The following VWA2 variants were observed in gnomAD, a reference collection of about 807,000 sequenced individuals.
The protein encoded by VWA2 is von Willebrand factor A domain-containing protein 2.
A neutral mutation model predicts 70.4 loss-of-function variants in VWA2; 73 were observed. The observed-to-expected ratio is 1.04, with a 90% CI of 0.86 to 1.26. The LOEUF (loss-of-function observed/expected upper bound fraction) is 1.26, where lower values mean the gene tolerates loss of function less well. Among genes scored for constraint, VWA2 ranks in the 50% most tolerant of loss-of-function variants. The probability of loss-of-function intolerance (pLI) is 0.00; values close to 1 mark genes in which losing one functional copy is unlikely to be tolerated. For missense variants in VWA2, 1,011 were observed against 998.5 expected (o/e 1.01, Z -0.17); for synonymous variants, 407 against 423.3 (o/e 0.96, Z 0.47).
chr10:114,289,515 G>T, intron 12 of VWA2, 26 bp downstream of exon 12: 1 of 1,611,734 alleles, frequency 6.2e-7, no homozygotes, highest in South Asian at 1.1e-5. Flanking sequence ...CACACCCTCA[G>T]GGCTGCCCCC....
intron 1 of VWA2, chr10:114,246,796 C>A: frequency 1.8e-6 from 2 of 1,090,876 alleles, no homozygotes; most frequent in African/African-American, 1.5e-5. Flanking sequence ...ATTTATTTTA[C>A]CATTGACTGC....
At chr10:114,277,310 A>C (rs1213685650) in intron 6 of VWA2, among the ~76,000 whole-genome samples, 2 of 150,452 alleles carry the variant, frequency 1.3e-5, no homozygotes, top group African/African-American at 4.9e-5. Context: ...CAGCCTCCCA[A>C]GTAGCTGGAA....
At position 114,288,983 on chromosome 10, in the gene VWA2, C is replaced by T; in HGVS notation, c.1616C>T (p.Ser539Phe). The change falls in exon 12 of 14, where the codon TCT becomes TTT. Residue 539 changes from serine to phenylalanine, a missense_variant. Ser to Phe is a radical substitution (Grantham distance 155, BLOSUM62 -2). Transcript: ENST00000392982. ...GACCTCGTCTTCATGTTGGACACCT[C>T]TGCCTCAGTAGGGCCCGAGAATTTT... ...ALDLVFMLDT[S>F]ASVGPENFAQ... 1.2e-6 allele frequency: 2 copies of T among 1,614,044 alleles called. No homozygotes were observed. The highest frequency in any genetic ancestry group is 2.2e-5 in the South Asian group (2 of 91,060).
chr10:114,253,806 A>G, intron 3 of VWA2, 81 bp downstream of exon 3: 1 of 1,359,712 alleles, frequency 7.4e-7, no homozygotes, highest in Non-Finnish European at 1.0e-6. Flanking sequence ...ATGTTCTTCC[A>G]GAGAGTTTCT....
intron 7 of VWA2, 106 bp from the exon 8 acceptor site, chr10:114,278,613 T>C (rs1159840318): frequency 2.0e-5 from 31 of 1,525,480 alleles, no homozygotes; most frequent in Non-Finnish European, 6.2e-6. Flanking sequence ...CCTGGAAGTG[T>C]GGTGGAACCT....
intron 1 of VWA2, chr10:114,246,384 C>A (rs2037069057): frequency 3.4e-6 from 2 of 594,150 alleles, no homozygotes; most frequent in Admixed American, 2.9e-5. Flanking sequence ...GCCTGTAATC[C>A]CAGCTACTCA....
intron 6 of VWA2, among the ~76,000 whole-genome samples, chr10:114,276,716 A>T (rs1200191629): frequency 8.4e-6 from 1 of 119,174 alleles, no homozygotes; most frequent in Non-Finnish European, 1.6e-5. Flanking sequence ...ACAGGGTTTC[A>T]CTGTGTTGCC....
intron 1 of VWA2, among the ~76,000 whole-genome samples, chr10:114,242,157 A>G (rs1735807474): frequency 6.6e-6 from 1 of 152,002 alleles, no homozygotes; most frequent in South Asian, 2.1e-4. Flanking sequence ...TTTCCTGATC[A>G]TGAGTCTCTT....
intron 8 of VWA2, 133 bp downstream of exon 8, chr10:114,278,984 A>G: frequency 7.2e-7 from 1 of 1,389,532 alleles, no homozygotes; most frequent in Non-Finnish European, 9.8e-7. Context: ...GGAGGGAGCC[A>G]GGGACGTAGC....
chr10:114,272,906 G>A lies in VWA2; in HGVS notation c.538G>A (p.Val180Met), dbSNP rs1358343885. The change falls in exon 6 of 14, where the codon GTG becomes ATG. Residue 180 changes from valine to methionine, a missense_variant. By Grantham distance (21) the Val-to-Met change is conservative (BLOSUM62 1). Coordinates refer to ENST00000392982, the MANE Select transcript of VWA2 (RefSeq NM_001272046.2). ...GCAGCTGAAGGAAAGGGGTGTCACT[G>A]TGTTTGCTGTGGGGGTCAGGTTTCC... The part of the protein sequence containing the change: ...SKQLKERGVT[V>M]FAVGVRFPRW... The A allele has an allele frequency of 1.9e-6, 3 of 1,613,122 alleles. No homozygotes were observed. Among genetic ancestry groups the A allele is most frequent in the African/African-American group, 2.7e-5 (2 of 74,884 alleles).
In VWA2 at chr10:114,294,228, G is replaced by A. The variant is rs965004023; in HGVS notation, c.*2991G>A. On this transcript the variant is annotated 3_prime_UTR_variant, in exon 14 of 14. Coordinates refer to ENST00000392982, the MANE Select transcript of VWA2 (RefSeq NM_001272046.2). Reference sequence around the variant, plus strand: ...TCTTTTAATCTGTGTCCAACAATGAGATTTGTTTTCTTTTGCAATTTGTTT... The same window carrying A: ...TCTTTTAATCTGTGTCCAACAATGAAATTTGTTTTCTTTTGCAATTTGTTT... Among the ~76,000 whole-genome samples, 2 of 152,168 alleles carry A rather than the reference G, an allele frequency of 1.3e-5. No homozygotes were observed. Among genetic ancestry groups the A allele is most frequent in the African/African-American group, 2.4e-5 (1 of 41,460 alleles).
At chr10:114,277,476 C>G (rs2037873293) in intron 6 of VWA2, among the ~76,000 whole-genome samples, 1 of 152,108 alleles carries the variant, frequency 6.6e-6, no homozygotes, top group Non-Finnish European at 1.5e-5. Context: ...GCCACCACAC[C>G]CCCCCTCCGA....
chr10:114,272,699 T>A, intron 5 of VWA2, 41 bp from the exon 6 acceptor site: 1 of 1,501,196 alleles, frequency 6.7e-7, no homozygotes, highest in South Asian at 1.4e-5. Context: ...CCTCCCCACA[T>A]CATTCACTTT....
intron 11 of VWA2, among the ~76,000 whole-genome samples, chr10:114,286,714 T>C (rs2038946997): frequency 6.6e-6 from 1 of 152,188 alleles, no homozygotes; most frequent in South Asian, 2.1e-4. Flanking sequence ...TCCTGAGAGA[T>C]CTTTAGTGAG....
intron 11 of VWA2, among the ~76,000 whole-genome samples, chr10:114,287,639 C>A (rs938725934): frequency 6.6e-6 from 1 of 151,988 alleles, no homozygotes; most frequent in African/African-American, 2.4e-5. Context: ...CCACCCTGCC[C>A]CTCCAGGCTG....
rs2039257881 is a variant in VWA2 at position 114,289,031 on chromosome 10, G to A, written c.1664G>A (p.Arg555Lys). 6.2e-7 allele frequency: 1 copy of A among 1,614,198 alleles called. No homozygotes were observed. Among genetic ancestry groups the A allele is most frequent in the Non-Finnish European group, 8.5e-7 (1 of 1,180,040 alleles). The change falls in exon 12 of 14, where the codon AGA becomes AAA. Residue 555 changes from arginine (R) to lysine (K), a missense_variant. Transcript: ENST00000392982. ...TTTGCTCAGATGCAGAGCTTTGTGA[G>A]AAGCTGTGCCCTCCAGTTTGAGGTG... ...ENFAQMQSFV[R>K]SCALQFEVNP...
intron 6 of VWA2, among the ~76,000 whole-genome samples, chr10:114,273,965 A>G (rs75089530): frequency 0.023 from 3,493 of 152,364 alleles, 54 homozygotes; most frequent in Non-Finnish European, 0.031. Context: ...TTGGGTGGTC[A>G]GTCAAGGCTT....
chr10:114,290,333 G>T lies in VWA2; in HGVS notation c.2216G>T (p.Arg739Leu). ...AATGGGAGCTACCGCTGCAAGTGTCGGGATGGCTGGGAGGGCCCCCACTGC... is the reference window on the plus strand; with the variant it reads ...AATGGGAGCTACCGCTGCAAGTGTCTGGATGGCTGGGAGGGCCCCCACTGC... ...LQNGSYRCKC[R>L]DGWEGPHCEN... The change falls in exon 13 of 14, where the codon CGG becomes CTG. Residue 739 changes from arginine (R) to leucine (L), a missense_variant. Arg to Leu is a moderately radical substitution (Grantham distance 102). Transcript: ENST00000392982. 1 of 1,550,596 alleles carries T rather than the reference G, an allele frequency of 6.4e-7. No homozygotes were observed. The highest frequency in any genetic ancestry group is 8.7e-7 in the Non-Finnish European group (1 of 1,146,980).
At chr10:114,264,998 G>A (rs532193600) in intron 5 of VWA2, among the ~76,000 whole-genome samples, 7 of 152,342 alleles carry the variant, frequency 4.6e-5, no homozygotes, top group Middle Eastern at 3.4e-3. Flanking sequence ...GGGATTAGAG[G>A]CATGAGTCAC....
Sources: gnomAD v4.1 joint callset for allele counts (sites outside exome capture counted in the v4.1 genomes callset) on GRCh38, gnomAD v4.1.1 for gene constraint, MANE v1.5 for transcripts, NCBI Gene and HGNC (gene_info 2026-07-23, HGNC 2026-07-21) for gene names.